The following SOX5 variants were observed in gnomAD, a reference collection of about 807,000 sequenced individuals.
SOX5 encodes the protein SRY-box transcription factor 5.
In SOX5, 9 loss-of-function variants were observed where a neutral mutation model predicts 92.0. The ratio of observed to expected loss-of-function variants is 0.10; its 90% CI spans 0.06 to 0.17. SOX5 has a LOEUF of 0.17. Ranked by LOEUF, SOX5 falls within the 10% of genes least tolerant of loss-of-function variation. The probability of loss-of-function intolerance (pLI) is 1.00; values close to 1 mark genes in which losing one functional copy is unlikely to be tolerated. For synonymous variants in SOX5, 344 were observed against 336.3 expected, an observed-to-expected ratio of 1.02 and a Z score of -0.25; for missense variants, 642 against 944.5, an observed-to-expected ratio of 0.68 and a Z score of 4.20.
intron 4 of SOX5, among the ~76,000 whole-genome samples, chr12:24,114,189 T>A (rs748666926): frequency 3.3e-5 from 5 of 151,596 alleles, no homozygotes; most frequent in African/African-American, 4.9e-5. Context: ...GATTACAATA[T>A]GAAAAGGAGA....
intron 4 of SOX5, among the ~76,000 whole-genome samples, chr12:24,203,625 C>T (rs1957744494): frequency 6.6e-6 from 1 of 152,106 alleles, no homozygotes. Flanking sequence ...AGAAAATAGC[C>T]CTCATCCACA....
intron 10 of SOX5, among the ~76,000 whole-genome samples, chr12:23,564,500 G>A (rs1055138962): frequency 2.0e-5 from 3 of 152,178 alleles, no homozygotes; most frequent in Admixed American, 6.5e-5. Context: ...GACAGATGGA[G>A]GGACTGTGAG....
intron 4 of SOX5, among the ~76,000 whole-genome samples, chr12:23,968,678 T>C (rs776981264): frequency 2.6e-5 from 4 of 152,194 alleles, no homozygotes; most frequent in Non-Finnish European, 5.9e-5. Flanking sequence ...CATTATCCAG[T>C]CTTGGATATT....
chr12:24,117,630 C>T (rs1406298989), intron 4 of SOX5, among the ~76,000 whole-genome samples: 3 of 152,074 alleles, frequency 2.0e-5, no homozygotes, highest in African/African-American at 7.2e-5. Flanking sequence ...GCATACTATC[C>T]AGCGTTAGAA....
intron 4 of SOX5, among the ~76,000 whole-genome samples, chr12:24,039,442 T>C (rs958175827): frequency 6.6e-6 from 1 of 152,218 alleles, no homozygotes; most frequent in African/African-American, 2.4e-5. Flanking sequence ...TGCAAAGGGC[T>C]GTTCTTCAAT....
chr12:24,241,728 CCAGCATG>C (rs1282773568), intron 3 of SOX5, among the ~76,000 whole-genome samples: 1 of 152,052 alleles, frequency 6.6e-6, no homozygotes, highest in African/African-American at 2.4e-5. Flanking sequence ...GTTAAGATCC[CCAGCATG>C]CAGCTCTGGC....
At chr12:23,920,360 C>T (rs558758307) in intron 1 of SOX5, 1 of 152,258 alleles carries the variant, frequency 6.6e-6, no homozygotes, top group Non-Finnish European at 1.5e-5. Context: ...AAGTAAGAGA[C>T]AAACTTTAAG....
At chr12:23,594,976 A>G (rs1952139226) in intron 9 of SOX5, among the ~76,000 whole-genome samples, 1 of 152,062 alleles carries the variant, frequency 6.6e-6, no homozygotes. Flanking sequence ...TCCCCAGCAC[A>G]CTATCTTTGA....
At chr12:23,980,222 T>A (rs1592032627) in intron 4 of SOX5, among the ~76,000 whole-genome samples, 1 of 152,166 alleles carries the variant, frequency 6.6e-6, no homozygotes, top group East Asian at 1.9e-4. Context: ...CTTTTCATAC[T>A]GAGAGACTAA....
rs1347456444 is a variant in SOX5 at position 23,570,963 on chromosome 12, A to T, written c.1342+4698T>A. ...TATATATATATATATATATATATAT[A>T]TATATATATATATATATATATTTTC... is the stretch of plus-strand genomic sequence containing the variant. On this transcript the variant is annotated intron_variant, in intron 10 of 14. Transcript: ENST00000451604. Among the ~76,000 whole-genome samples, 2 of 74,276 alleles carry T rather than the reference A, an allele frequency of 2.7e-5. 1 individual carries two copies. Among genetic ancestry groups the T allele is most frequent in the Non-Finnish European group, 6.0e-5 (2 of 33,566 alleles). 48.7% of individuals were successfully genotyped at this position (74,276 alleles called of 152,430 possible).
chr12:24,371,784 T>C (rs1442634390), intron 1 of SOX5, among the ~76,000 whole-genome samples: 1 of 152,162 alleles, frequency 6.6e-6, no homozygotes, highest in East Asian at 1.9e-4. Context: ...GATCAGGAGT[T>C]CCAGACCAGC....
chr12:24,348,049 C>CAAAAAAAAAAAAAAAACAAACA (rs1953543137), intron 2 of SOX5, among the ~76,000 whole-genome samples: 1 of 72,722 alleles, frequency 1.4e-5, no homozygotes, highest in Non-Finnish European at 2.9e-5. Flanking sequence ...TACAGCTAAT[C>CAAAAAAAAAAAAAAAACAAACA]AAAAAAAAAA....
chr12:24,213,717 A>G (rs1459356695), intron 3 of SOX5, among the ~76,000 whole-genome samples: 1 of 151,972 alleles, frequency 6.6e-6, no homozygotes, highest in African/African-American at 2.4e-5. Context: ...ATTTTTATTA[A>G]TGACATTTCA....
chr12:24,444,757 C>T (rs1454388298), intron 1 of SOX5, among the ~76,000 whole-genome samples: 1 of 152,174 alleles, frequency 6.6e-6, no homozygotes, highest in Non-Finnish European at 1.5e-5. Flanking sequence ...CCCACTGTCT[C>T]AGTTCAAGAC....
intron 6 of SOX5, among the ~76,000 whole-genome samples, chr12:23,713,647 CTGTG>C (rs138042111): frequency 6.8e-6 from 1 of 146,924 alleles, no homozygotes; most frequent in Admixed American, 6.8e-5. Context: ...TCCAGTGTCT[CTGTG>C]TGTGTGTGTG....
At chr12:24,519,325 A>G (rs1334285502) in intron 1 of SOX5, among the ~76,000 whole-genome samples, 1 of 152,182 alleles carries the variant, frequency 6.6e-6, no homozygotes, top group East Asian at 1.9e-4. Context: ...AGGAGGCAAG[A>G]AAATTAAGAA....
At chr12:24,225,985 T>C (rs986885664) in intron 3 of SOX5, among the ~76,000 whole-genome samples, 3 of 152,198 alleles carry the variant, frequency 2.0e-5, no homozygotes, top group South Asian at 4.1e-4. Flanking sequence ...ACCAGTAATA[T>C]GTACAAGTCA....
chr12:23,585,138 C>T (rs1415517896), intron 9 of SOX5, among the ~76,000 whole-genome samples: 1 of 152,164 alleles, frequency 6.6e-6, no homozygotes, highest in African/African-American at 2.4e-5. Flanking sequence ...TGCACATACA[C>T]ATCGAGCAAA....
chr12:24,344,374 C>G (rs1269946764), intron 2 of SOX5, among the ~76,000 whole-genome samples: 1 of 151,094 alleles, frequency 6.6e-6, no homozygotes, highest in Non-Finnish European at 1.5e-5. Context: ...CCATGGAGTG[C>G]TCTCATTGCT....
Sources: allele counts gnomAD v4.1 joint callset (sites outside exome capture counted in the v4.1 genomes callset), GRCh38; gene constraint gnomAD v4.1.1; transcripts MANE v1.5; gene names NCBI Gene and HGNC (gene_info 2026-07-23, HGNC 2026-07-21).